The following WNT1 variants were observed in gnomAD, a reference collection of about 807,000 sequenced individuals.
The protein encoded by WNT1 is Wnt family member 1, also known as proto-oncogene Wnt-1.
WNT1 carries 10 observed loss-of-function variants against 21.3 expected under a neutral mutation model. The ratio of observed to expected loss-of-function variants is 0.47; its 90% CI spans 0.29 to 0.80. The LOEUF (loss-of-function observed/expected upper bound fraction) is 0.80. Among genes scored for constraint, WNT1 ranks in the 30% least tolerant of loss-of-function variants. WNT1 has a pLI of 0.09. For missense variants in WNT1, 476 were observed against 534.1 expected (o/e 0.89, Z 1.07); for synonymous variants, 208 against 236.3 (o/e 0.88, Z 1.10).
Position 48,981,433 on chromosome 12 carries a change from C to T in WNT1, c.906C>T (p.Ser302=), listed in dbSNP as rs1355423859. 1.3e-6 allele frequency: 2 copies of T among 1,571,680 alleles called. No homozygotes were observed. Among genetic ancestry groups the T allele is most frequent in the Non-Finnish European group, 1.7e-6 (2 of 1,158,166 alleles). ...FEKSPNFCTY[S]GRLGTAGTAG... ...AATCGCCCAACTTCTGCACGTACAG[C>T]GGACGCCTGGGCACAGCAGGCACGG... The change falls in exon 4 of 4, where the codon AGC becomes AGT. Residue 302 remains serine, a synonymous_variant. Transcript: ENST00000293549. This position sits in a 1 kb window ranked among gnomAD's most constrained non-coding sequence, Gnocchi z 7.4.
chr12:48,981,651 G>T lies in WNT1; in HGVS notation c.*11G>T, dbSNP rs1229670469. Reference sequence around the variant, plus strand: ...CACGAGTGTCTGTGAGGCGCTGCGCGGACTCGCCCCCAGGAACGCTCTCCT... The same window carrying T: ...CACGAGTGTCTGTGAGGCGCTGCGCTGACTCGCCCCCAGGAACGCTCTCCT... On this transcript the variant is annotated 3_prime_UTR_variant, in exon 4 of 4. Transcript: ENST00000293549. The surrounding 1 kb of genome is among the most constrained non-coding windows in gnomAD (Gnocchi z 7.4). 5 of 1,430,084 alleles carry T rather than the reference G, an allele frequency of 3.5e-6. No individual in the cohort carries two copies. In the East Asian group the frequency reaches 1.1e-4, roughly 31 times the overall value. The allele number at this position is 1,430,084 out of a possible 1,614,324, so 88.6% of individuals were successfully genotyped here. A position where few individuals can be genotyped will look rare whatever the true frequency, so the allele number is the denominator to read the frequency against.
chr12:48,978,358 T>C lies in WNT1; in HGVS notation c.-293T>C, dbSNP rs1047512813. The C allele has an allele frequency of 5.5e-5, 25 of 453,586 alleles. No individual in the cohort carries two copies. The highest frequency in any genetic ancestry group is 5.9e-4 in the Middle Eastern group (1 of 1,698). The allele number at this position is 453,586 out of a possible 1,614,324, so 28.1% of individuals were successfully genotyped here. On this transcript the variant is annotated 5_prime_UTR_variant, in exon 1 of 4. Coordinates refer to ENST00000293549, the MANE Select transcript of WNT1 (RefSeq NM_005430.4). This position sits in a 1 kb window ranked among gnomAD's most constrained non-coding sequence, Gnocchi z 7.4. ...AACCACAGCCCCGCTCGCTGCCCAT[T>C]GTCTGCGCCCCTAACCGGTGCGCCC...
Position 48,981,417 on chromosome 12 carries a change from A to C in WNT1, c.890A>C (p.Asn297Thr). 1.9e-6 allele frequency: 3 copies of C among 1,578,810 alleles called. No individual in the cohort carries two copies. The highest frequency in any genetic ancestry group is 2.6e-6 in the Non-Finnish European group (3 of 1,161,914). The part of the protein sequence containing the change: ...HDLVYFEKSP[N>T]FCTYSGRLGT... ...CTCGTCTACTTCGAGAAATCGCCCA[A>C]CTTCTGCACGTACAGCGGACGCCTG... Residue 297 changes from asparagine (N) to threonine (T), a missense_variant, in exon 4 of 4, where the codon AAC becomes ACC. Transcript: ENST00000293549. This position sits in a 1 kb window ranked among gnomAD's most constrained non-coding sequence, Gnocchi z 7.4.
In WNT1 at chr12:48,980,569, G is replaced by A. The variant is rs762031536; in HGVS notation, c.504G>A (p.Gly168=). 3 of 1,609,756 alleles carry A rather than the reference G, an allele frequency of 1.9e-6. No individual in the cohort carries two copies. Among genetic ancestry groups the A allele is most frequent in the East Asian group, 2.2e-5 (1 of 44,688 alleles). The change falls in exon 3 of 4, where the codon GGG becomes GGA. Residue 168 remains glycine (G), a synonymous_variant. Transcript: ENST00000293549. The surrounding 1 kb of genome is among the most constrained non-coding windows in gnomAD (Gnocchi z 7.0). ...RGPGGPDWHW[G]GCSDNIDFGR... ...CCGGGGGCCCCGACTGGCACTGGGG[G>A]GGCTGCAGCGACAACATTGACTTCG...
chr12:48,979,713 T>G lies in WNT1; in HGVS notation c.350T>G (p.Val117Gly), dbSNP rs958325447. 32 of 1,589,884 alleles carry G rather than the reference T, an allele frequency of 2.0e-5. No homozygotes were observed. Among genetic ancestry groups the G allele is most frequent in the Non-Finnish European group, 2.8e-5 (32 of 1,163,234 alleles). ...GGGCCCCACCTCTTCGGCAAGATCG[T>G]CAACCGAGGTGGGTGCCCAGGAAGG... ...APGPHLFGKI[V>G]NRGCRETAFI... Residue 117 changes from valine to glycine, a missense_variant, in exon 2 of 4, where the codon GTC (valine) becomes GGC (glycine). By Grantham distance (109) the Val-to-Gly change is moderately radical (BLOSUM62 -3). Transcript: ENST00000293549. This position sits in a 1 kb window ranked among gnomAD's most constrained non-coding sequence, Gnocchi z 6.0.
Position 48,981,123 on chromosome 12 carries a change from G to C in WNT1, c.625-29G>C, listed in dbSNP as rs777930556. The C allele has an allele frequency of 6.2e-7, 1 of 1,607,456 alleles. No individual in the cohort carries two copies. The highest frequency in any genetic ancestry group is 1.1e-5 in the South Asian group (1 of 90,464). On this transcript the variant is annotated intron_variant, in intron 3 of 3. Transcript: ENST00000293549. The surrounding 1 kb of genome is among the most constrained non-coding windows in gnomAD (Gnocchi z 7.4). ...AGGGTGACTCTGGCCCGGTGCCCTG[G>C]GACACTCTTTCTTCCCCTATCCCCG...
In WNT1 at chr12:48,980,447, T is replaced by C; in HGVS notation, c.382T>C (p.Phe128Leu). Reference protein sequence around the residue: ...NRGCRETAFIFAITSAGVTHS... With the variant: ...NRGCRETAFILAITSAGVTHS... ...AGGCTGTCGAGAAACGGCGTTTATC[T>C]TCGCTATCACCTCCGCCGGGGTCAC... Residue 128 changes from phenylalanine (F) to leucine (L), a missense_variant, in exon 3 of 4, where the codon TTC becomes CTC. Physicochemically the swap from Phe to Leu is conservative, Grantham distance 22. Transcript: ENST00000293549. This position sits in a 1 kb window ranked among gnomAD's most constrained non-coding sequence, Gnocchi z 7.0. The C allele has an allele frequency of 1.2e-6, 2 of 1,614,218 alleles. No homozygotes were observed. The highest frequency in any genetic ancestry group is 1.7e-6 in the Non-Finnish European group (2 of 1,180,034).
Position 48,978,329 on chromosome 12 carries a change from C to A in WNT1, c.-322C>A, listed in dbSNP as rs1317839046. 3.0e-5 allele frequency: 11 copies of A among 366,358 alleles called. No homozygotes were observed. The highest frequency in any genetic ancestry group is 3.5e-5 in the Non-Finnish European group (7 of 199,530). The allele number at this position is 366,358 out of a possible 1,614,324, so 22.7% of individuals were successfully genotyped here. On this transcript the variant is annotated 5_prime_UTR_variant, in exon 1 of 4. Coordinates refer to ENST00000293549, the MANE Select transcript of WNT1 (RefSeq NM_005430.4). This position sits in a 1 kb window ranked among gnomAD's most constrained non-coding sequence, Gnocchi z 7.4. ...CCCGTCAGCTCTCGGCTCAGACGGGCGGGAACCACAGCCCCGCTCGCTGCC... is the reference window on the plus strand; with the variant it reads ...CCCGTCAGCTCTCGGCTCAGACGGGAGGGAACCACAGCCCCGCTCGCTGCC...
At position 48,979,400 on chromosome 12, in the gene WNT1, GT is replaced by G; in HGVS notation, c.105-67del. 3 of 1,524,846 alleles carry G rather than the reference GT, an allele frequency of 2.0e-6. No individual in the cohort carries two copies. Among genetic ancestry groups the G allele is most frequent in the African/African-American group, 1.4e-5 (1 of 73,034 alleles). The allele number at this position is 1,524,846 out of a possible 1,614,324, so 94.5% of individuals were successfully genotyped here. A position where few individuals can be genotyped will look rare whatever the true frequency, so the allele number is the denominator to read the frequency against. ...CACATACCCCCAGGAAGAGGACCGG[GT>G]GGCACAGTTTTTATGGTTAGGGTGC... On this transcript the variant is annotated intron_variant, in intron 1 of 3. Coordinates refer to ENST00000293549, the MANE Select transcript of WNT1 (RefSeq NM_005430.4). This position sits in a 1 kb window ranked among gnomAD's most constrained non-coding sequence, Gnocchi z 6.0.
Position 48,981,256 on chromosome 12 carries a change from CG to C in WNT1, c.730del (p.Asp244MetfsTer149). ...GGCTGCCCACGCTGCGCGCCGTGGGCGATGTGCTGCGCGACCGCTTCGACGG... is the reference window on the plus strand; with the variant it reads ...GGCTGCCCACGCTGCGCGCCGTGGGCATGTGCTGCGCGACCGCTTCGACGG... ...MRLPTLRAVG[D>X]VLRDRFDGAS... is the part of the protein sequence containing the mutation. On this transcript the variant is annotated frameshift_variant, in exon 4 of 4. Coordinates refer to ENST00000293549, the MANE Select transcript of WNT1 (RefSeq NM_005430.4). LOFTEE classifies it low-confidence loss of function (END_TRUNC). The surrounding 1 kb of genome is among the most constrained non-coding windows in gnomAD (Gnocchi z 7.4). 1 of 1,607,444 alleles carries C rather than the reference CG, an allele frequency of 6.2e-7. No homozygotes were observed. The highest frequency in any genetic ancestry group is 8.5e-7 in the Non-Finnish European group (1 of 1,177,260).
chr12:48,979,523 CAACTGGTACTCG>C lies in WNT1; in HGVS notation c.162_173del (p.Leu55_Glu58del). On this transcript the variant is annotated inframe_deletion, in exon 2 of 4. Coordinates refer to ENST00000293549, the MANE Select transcript of WNT1 (RefSeq NM_005430.4). The surrounding 1 kb of genome is among the most constrained non-coding windows in gnomAD (Gnocchi z 6.0). ...CCTGCTTACAGACTCCAAGAGTCTG[CAACTGGTACTCG>C]AGCCCAGTCTGCAGCTGTTGAGCCG... 1 of 1,613,998 alleles carries C rather than the reference CAACTGGTACTCG, an allele frequency of 6.2e-7. No individual in the cohort carries two copies. Among genetic ancestry groups the C allele is most frequent in the Non-Finnish European group, 8.5e-7 (1 of 1,180,006 alleles).
Position 48,981,877 on chromosome 12 carries a change from C to T in WNT1, c.*237C>T, listed in dbSNP as rs1187657534. ...GGACCTGCCCCGGACCTACCTCCCT[C>T]CCTCTCCGCGGGAGACCCCTTGTTG... On this transcript the variant is annotated 3_prime_UTR_variant, in exon 4 of 4. Transcript: ENST00000293549. This position sits in a 1 kb window ranked among gnomAD's most constrained non-coding sequence, Gnocchi z 7.4. 1.3e-5 allele frequency among the ~76,000 whole-genome samples: 2 copies of T among 152,184 alleles called. No individual in the cohort carries two copies. The highest frequency in any genetic ancestry group is 2.9e-5 in the Non-Finnish European group (2 of 68,022).
In WNT1 at chr12:48,980,000, G is replaced by C. The variant is rs967102760; in HGVS notation, c.358+279G>C. The stretch of plus-strand genomic sequence containing the variant: ...GCCGGCTGACCGCCGCTTTCCCCCA[G>C]CCTCTCTCAAAAGCGCCTGGGAAGC... On this transcript the variant is annotated intron_variant, in intron 2 of 3. Transcript: ENST00000293549. The surrounding 1 kb of genome is among the most constrained non-coding windows in gnomAD (Gnocchi z 6.0). Among the ~76,000 whole-genome samples, 2 of 152,228 alleles carry C rather than the reference G, an allele frequency of 1.3e-5. No individual in the cohort carries two copies. Among genetic ancestry groups the C allele is most frequent in the African/African-American group, 4.8e-5 (2 of 41,460 alleles).
chr12:48,979,795 G>C lies in WNT1; in HGVS notation c.358+74G>C. 2 of 1,468,884 alleles carry C rather than the reference G, an allele frequency of 1.4e-6. No individual in the cohort carries two copies. Among genetic ancestry groups the C allele is most frequent in the East Asian group, 2.4e-5 (1 of 41,594 alleles). 91.0% of individuals were successfully genotyped at this position (1,468,884 alleles called of 1,614,324 possible). On this transcript the variant is annotated intron_variant, in intron 2 of 3. Transcript: ENST00000293549. This position sits in a 1 kb window ranked among gnomAD's most constrained non-coding sequence, Gnocchi z 6.0. ...TCACCCCCAGGGCATGGGCGGGCGA[G>C]TTCAGAGAAGGTGTCCCAGGCGCCT...
In WNT1 at chr12:48,981,256, C is replaced by T. The variant is rs1941009177; in HGVS notation, c.729C>T (p.Gly243=). ...GGCTGCCCACGCTGCGCGCCGTGGG[C>T]GATGTGCTGCGCGACCGCTTCGACG... ...WMRLPTLRAV[G]DVLRDRFDGA... Residue 243 remains glycine, a synonymous_variant, in exon 4 of 4, where the codon GGC becomes GGT. Coordinates refer to ENST00000293549, the MANE Select transcript of WNT1 (RefSeq NM_005430.4). This position sits in a 1 kb window ranked among gnomAD's most constrained non-coding sequence, Gnocchi z 7.4. 9.3e-6 allele frequency: 15 copies of T among 1,607,444 alleles called. No homozygotes were observed. The highest frequency in any genetic ancestry group is 1.7e-4 in the Middle Eastern group (1 of 6,050).
In WNT1 at chr12:48,981,670, C is replaced by T. The variant is rs1479525779; in HGVS notation, c.*30C>T. The T allele has an allele frequency of 1.4e-6, 2 of 1,426,608 alleles. No homozygotes were observed. The highest frequency in any genetic ancestry group is 5.4e-5 in the East Asian group (2 of 37,234). The allele number at this position is 1,426,608 out of a possible 1,614,324, so 88.4% of individuals were successfully genotyped here. A position where few individuals can be genotyped will look rare whatever the true frequency, so the allele number is the denominator to read the frequency against. On this transcript the variant is annotated 3_prime_UTR_variant, in exon 4 of 4. Transcript: ENST00000293549. This position sits in a 1 kb window ranked among gnomAD's most constrained non-coding sequence, Gnocchi z 7.4. ...CTGCGCGGACTCGCCCCCAGGAACG[C>T]TCTCCTCGAGCCCTCCCCCAAACAG...
At position 48,981,063 on chromosome 12, in the gene WNT1, GC is replaced by G. The variant is rs1228855951; in HGVS notation, c.625-84del. 8 of 1,539,082 alleles carry G rather than the reference GC, an allele frequency of 5.2e-6. No homozygotes were observed. The East Asian group carries it at 9.6e-5, about 18-fold the overall frequency. On this transcript the variant is annotated intron_variant, in intron 3 of 3. Coordinates refer to ENST00000293549, the MANE Select transcript of WNT1 (RefSeq NM_005430.4). This position sits in a 1 kb window ranked among gnomAD's most constrained non-coding sequence, Gnocchi z 7.4. Reference sequence around the variant, plus strand: ...AGGCCTGGGCCTTTGCTGAGGTCCGGCCCCCGTGGCGTCCGGGAGAGGGCAG... The same window carrying G: ...AGGCCTGGGCCTTTGCTGAGGTCCGGCCCCGTGGCGTCCGGGAGAGGGCAG...
In WNT1 at chr12:48,981,241, G is replaced by A. The variant is rs1005419344; in HGVS notation, c.714G>A (p.Thr238=). 1 of 1,609,428 alleles carries A rather than the reference G, an allele frequency of 6.2e-7. No individual in the cohort carries two copies. Among genetic ancestry groups the A allele is most frequent in the Middle Eastern group, 1.7e-4 (1 of 6,048 alleles). Residue 238 remains threonine, a synonymous_variant, in exon 4 of 4, where the codon ACG becomes ACA. Coordinates refer to ENST00000293549, the MANE Select transcript of WNT1 (RefSeq NM_005430.4). This position sits in a 1 kb window ranked among gnomAD's most constrained non-coding sequence, Gnocchi z 7.4. ...GCACGTGCTGGATGCGGCTGCCCAC[G>A]CTGCGCGCCGTGGGCGATGTGCTGC... ...TVRTCWMRLP[T]LRAVGDVLRD...
In WNT1 at chr12:48,979,030, G is replaced by C. The variant is rs1435566502; in HGVS notation, c.104+276G>C. Among the ~76,000 whole-genome samples the C allele has an allele frequency of 1.3e-5, 2 of 152,248 alleles. No individual in the cohort carries two copies. Among genetic ancestry groups the C allele is most frequent in the East Asian group, 3.8e-4 (2 of 5,208 alleles). ...CCTTCCCCTTTGAGCGCCAACTCCAGCCTCACGGCGGTGGCTCACCACAGG... is the reference window on the plus strand; with the variant it reads ...CCTTCCCCTTTGAGCGCCAACTCCACCCTCACGGCGGTGGCTCACCACAGG... On this transcript the variant is annotated intron_variant, in intron 1 of 3. Coordinates refer to ENST00000293549, the MANE Select transcript of WNT1 (RefSeq NM_005430.4). The surrounding 1 kb of genome is among the most constrained non-coding windows in gnomAD (Gnocchi z 6.0).
Sources: gnomAD v4.1 joint callset for allele counts (sites outside exome capture counted in the v4.1 genomes callset) on GRCh38, gnomAD v4.1.1 for gene constraint, Gnocchi (gnomAD v3.1) non-coding constraint, MANE v1.5 for transcripts, NCBI Gene and HGNC (gene_info 2026-07-23, HGNC 2026-07-21) for gene names.